CDK14: variants seen among roughly 807,000 people sequenced by gnomAD.
The protein encoded by CDK14 is cyclin-dependent kinase 14.
CDK14 carries 34 observed loss-of-function variants against 60.7 expected under a neutral mutation model. The ratio of observed to expected loss-of-function variants is 0.56; its 90% CI spans 0.43 to 0.75. The LOEUF is 0.75. Ranked by LOEUF, CDK14 falls within the 30% of genes least tolerant of loss-of-function variation. CDK14 has a pLI of 0.00. For synonymous variants in CDK14, 197 were observed against 203.7 expected, an observed-to-expected ratio of 0.97 and a Z score of 0.28; for missense variants, 482 against 564.1, an observed-to-expected ratio of 0.85 and a Z score of 1.47.
chr7:91,164,653 G>A (rs1311770651), intron 14 of CDK14, among the ~76,000 whole-genome samples: 1 of 152,162 alleles, frequency 6.6e-6, no homozygotes, highest in African/African-American at 2.4e-5. Flanking sequence ...TGGCATAATA[G>A]CAGCTGGCCC....
At chr7:90,633,245 T>G (rs751131161) in intron 2 of CDK14, among the ~76,000 whole-genome samples, 3 of 152,236 alleles carry the variant, frequency 2.0e-5, no homozygotes, top group Non-Finnish European at 2.9e-5. Context: ...GATGTTAGTC[T>G]GTCTCAAAAC....
At chr7:90,915,066 CTCT>C (rs1267898070) in intron 7 of CDK14, among the ~76,000 whole-genome samples, 1 of 152,110 alleles carries the variant, frequency 6.6e-6, no homozygotes, top group East Asian at 1.9e-4. Flanking sequence ...TCAGGGAAGG[CTCT>C]AGGGAGGAGC....
In CDK14 at chr7:91,118,192, TTC is replaced by T; in HGVS notation, c.*15_*16del. 1 of 1,516,794 alleles carries T rather than the reference TTC, an allele frequency of 6.6e-7. No individual in the cohort carries two copies. The highest frequency in any genetic ancestry group is 9.2e-7 in the Non-Finnish European group (1 of 1,091,992). The allele number at this position is 1,516,794 out of a possible 1,614,324, so 94.0% of individuals were successfully genotyped here. On this transcript the variant is annotated 3_prime_UTR_variant, in exon 14 of 15. Transcript: ENST00000380050. The stretch of plus-strand genomic sequence containing the variant: ...ACAGCAAGCACTGACAAGCAGCACA[TTC>T]TCAAGAGCACACAGGTAAGAGGACC...
intron 8 of CDK14, among the ~76,000 whole-genome samples, chr7:90,940,790 A>G (rs1793901942): frequency 6.6e-6 from 1 of 152,126 alleles, no homozygotes; most frequent in Admixed American, 6.5e-5. Context: ...TGTCTCAAAA[A>G]AAAAAAGTGT....
chr7:90,619,571 T>A (rs1202353515), intron 2 of CDK14, among the ~76,000 whole-genome samples: 2 of 152,248 alleles, frequency 1.3e-5, no homozygotes, highest in Non-Finnish European at 1.5e-5. Context: ...CTATAAATAT[T>A]TAATAACCAA....
intron 5 of CDK14, among the ~76,000 whole-genome samples, chr7:90,811,018 T>G (rs1287980611): frequency 6.6e-6 from 1 of 152,146 alleles, no homozygotes; most frequent in African/African-American, 2.4e-5. Flanking sequence ...GAAGAATCAA[T>G]ATCGTGAGAA....
intron 1 of CDK14, among the ~76,000 whole-genome samples, chr7:90,599,980 A>G (rs754168674): frequency 6.6e-6 from 1 of 152,250 alleles, no homozygotes; most frequent in Non-Finnish European, 1.5e-5. Flanking sequence ...GATCATGCTG[A>G]CTTTGTCACT....
At chr7:90,658,952 C>A (rs963721143) in intron 2 of CDK14, among the ~76,000 whole-genome samples, 1 of 152,064 alleles carries the variant, frequency 6.6e-6, no homozygotes, top group Admixed American at 6.6e-5. Flanking sequence ...ATTAGAGTTA[C>A]AATGGAGTAT....
intron 14 of CDK14, among the ~76,000 whole-genome samples, chr7:91,202,917 C>T (rs554142247): frequency 1.3e-5 from 2 of 152,246 alleles, no homozygotes; most frequent in Admixed American, 1.3e-4. Context: ...TGTTTATGCC[C>T]TAGGTTAGGT....
chr7:90,745,688 A>G (rs921678210), intron 3 of CDK14, among the ~76,000 whole-genome samples: 1 of 152,154 alleles, frequency 6.6e-6, no homozygotes, highest in African/African-American at 2.4e-5. Context: ...TGCTGGGATT[A>G]CAGGTGTGAG....
intron 2 of CDK14, among the ~76,000 whole-genome samples, chr7:90,724,857 A>G (rs2116702899): frequency 6.6e-6 from 1 of 151,796 alleles, no homozygotes; most frequent in African/African-American, 2.4e-5. Flanking sequence ...GTGGTTTCTT[A>G]TTTACTGCCT....
chr7:91,082,453 T>C (rs1036336959), intron 12 of CDK14, among the ~76,000 whole-genome samples: 2 of 152,182 alleles, frequency 1.3e-5, no homozygotes, highest in Non-Finnish European at 2.9e-5. Flanking sequence ...GTTCTGCTTA[T>C]CCTCTCTTAG....
intron 10 of CDK14, among the ~76,000 whole-genome samples, chr7:91,018,867 A>T (rs1241251348): frequency 6.6e-6 from 1 of 152,090 alleles, no homozygotes; most frequent in African/African-American, 2.4e-5. Flanking sequence ...CCTCTTTATA[A>T]ATTACCCAGT....
chr7:90,608,673 T>G, intron 2 of CDK14: 1 of 333,510 alleles, frequency 3.0e-6, no homozygotes, highest in Non-Finnish European at 4.3e-6. Flanking sequence ...AAGCACTTAG[T>G]TTGTTTCCTA....
At chr7:90,662,853 A>G (rs1322268619) in intron 2 of CDK14, among the ~76,000 whole-genome samples, 1 of 152,212 alleles carries the variant, frequency 6.6e-6, no homozygotes, top group Admixed American at 6.5e-5. Context: ...CTTTGGTACC[A>G]GATAAACATG....
At chr7:90,962,490 A>C (rs934600711) in intron 9 of CDK14, among the ~76,000 whole-genome samples, 31 of 152,078 alleles carry the variant, frequency 2.0e-4, no homozygotes, top group African/African-American at 6.5e-4. Flanking sequence ...CGTCTCAAAA[A>C]GAAAAAAAAA....
intron 2 of CDK14, among the ~76,000 whole-genome samples, chr7:90,703,094 G>T (rs1004678455): frequency 8.0e-4 from 121 of 150,992 alleles, no homozygotes; most frequent in African/African-American, 2.8e-3. Context: ...TTCTTAAGCA[G>T]TTTTTTGATA....
At chr7:90,960,018 T>C (rs1794554160) in intron 9 of CDK14, among the ~76,000 whole-genome samples, 1 of 152,120 alleles carries the variant, frequency 6.6e-6, no homozygotes, top group South Asian at 2.1e-4. Context: ...CCAAAAAGGC[T>C]TACTAAGTTT....
intron 8 of CDK14, among the ~76,000 whole-genome samples, chr7:90,923,107 C>CTTT (rs1319576107): frequency 1.0e-4 from 13 of 129,364 alleles, no homozygotes; most frequent in South Asian, 2.5e-4. Context: ...CCCTAAACAT[C>CTTT]TTTTTTTTTT....
Sources: allele counts gnomAD v4.1 joint callset (sites outside exome capture counted in the v4.1 genomes callset), GRCh38; gene constraint gnomAD v4.1.1; transcripts MANE v1.5; gene names NCBI Gene and HGNC (gene_info 2026-07-23, HGNC 2026-07-21).